AUTS2: variants seen among roughly 807,000 people sequenced by gnomAD.
AUTS2 encodes autism susceptibility gene 2 protein.
In AUTS2, 17 loss-of-function variants were observed where a neutral mutation model predicts 112.4. The observed-to-expected ratio is 0.15, with a 90% confidence interval of 0.10 to 0.23. The LOEUF (loss-of-function observed/expected upper bound fraction) is 0.23, where lower values mean the gene tolerates loss of function less well. AUTS2 is among the 10% of genes least tolerant of loss of function. The probability of loss-of-function intolerance (pLI) is 1.00; values close to 1 mark genes in which losing one functional copy is unlikely to be tolerated. For missense variants in AUTS2, 1,510 were observed against 1,701.6 expected (o/e 0.89, Z 1.98); for synonymous variants, 751 against 702.7 (o/e 1.07, Z -1.09).
chr7:70,578,912 CT>C (rs71922184), intron 5 of AUTS2, among the ~76,000 whole-genome samples: 3 of 145,412 alleles, frequency 2.1e-5, no homozygotes, highest in Non-Finnish European at 4.5e-5. Context: ...TCCTTTCTTT[CT>C]TTTTTTTTCT....
Position 69,631,764 on chromosome 7 carries a change from C to A in AUTS2, c.309+31802C>A, listed in dbSNP as rs537977449. On this transcript the variant is annotated intron_variant, in intron 1 of 18. Coordinates refer to ENST00000342771, the MANE Select transcript of AUTS2 (RefSeq NM_015570.4). The stretch of plus-strand genomic sequence containing the variant: ...TATCTTCTAAAATCCCCAAATAACA[C>A]TGTTCATAGCAAAACAGAGTTGGAT... 2.0e-5 allele frequency among the ~76,000 whole-genome samples: 3 copies of A among 152,320 alleles called. No homozygotes were observed. The South Asian group carries it at 6.2e-4, about 32-fold the overall frequency.
chr7:70,161,595 G>A (rs1481813938), intron 4 of AUTS2, among the ~76,000 whole-genome samples: 1 of 149,568 alleles, frequency 6.7e-6, no homozygotes, highest in Non-Finnish European at 1.5e-5. Flanking sequence ...GTTAACCTTA[G>A]ATTATTTGTT....
chr7:69,971,380 CTTATT>C (rs1797843973), intron 2 of AUTS2, among the ~76,000 whole-genome samples: 1 of 152,084 alleles, frequency 6.6e-6, no homozygotes, highest in South Asian at 2.1e-4. Context: ...AGTTAAACTT[CTTATT>C]TTGAGATAAT....
At chr7:69,862,552 T>C (rs1793036859) in intron 1 of AUTS2, among the ~76,000 whole-genome samples, 1 of 152,118 alleles carries the variant, frequency 6.6e-6, no homozygotes, top group Non-Finnish European at 1.5e-5. Context: ...CTCTTTTGCT[T>C]TTTTTTAGGG....
At chr7:70,241,693 A>G (rs1291833208) in intron 4 of AUTS2, among the ~76,000 whole-genome samples, 3 of 152,194 alleles carry the variant, frequency 2.0e-5, no homozygotes, top group Non-Finnish European at 4.4e-5. Flanking sequence ...CAAACTCACA[A>G]AATATTCTTG....
At chr7:70,532,285 G>A (rs1800129845) in intron 5 of AUTS2, among the ~76,000 whole-genome samples, 1 of 152,146 alleles carries the variant, frequency 6.6e-6, no homozygotes, top group Non-Finnish European at 1.5e-5. Context: ...GTGGATACAG[G>A]GAGGCATGAC....
intron 1 of AUTS2, among the ~76,000 whole-genome samples, chr7:69,750,087 T>A (rs891388123): frequency 6.6e-6 from 1 of 152,156 alleles, no homozygotes; most frequent in Non-Finnish European, 1.5e-5. Context: ...GTCTTCAGAG[T>A]TCATTTGGTA....
chr7:70,005,825 A>G (rs1799521751), intron 2 of AUTS2, among the ~76,000 whole-genome samples: 1 of 151,438 alleles, frequency 6.6e-6, no homozygotes. Flanking sequence ...ATTTTAGTAT[A>G]TTTTATGTGC....
chr7:70,189,236 A>G (rs1307739032), intron 4 of AUTS2, among the ~76,000 whole-genome samples: 1 of 152,200 alleles, frequency 6.6e-6, no homozygotes, highest in African/African-American at 2.4e-5. Flanking sequence ...AGTGACATTT[A>G]TGGCCAAGAC....
chr7:70,767,576 C>T (rs1385700041), intron 9 of AUTS2, among the ~76,000 whole-genome samples: 1 of 152,152 alleles, frequency 6.6e-6, no homozygotes, highest in Non-Finnish European at 1.5e-5. Context: ...TGGCCTACCC[C>T]AGATCACTTT....
At chr7:69,837,857 G>A (rs1436197791) in intron 1 of AUTS2, among the ~76,000 whole-genome samples, 4 of 152,190 alleles carry the variant, frequency 2.6e-5, no homozygotes, top group Non-Finnish European at 4.4e-5. Context: ...ATAAAATGCA[G>A]ACTTGCAAAC....
At position 70,675,941 on chromosome 7, in the gene AUTS2, G is replaced by C. The variant is rs79048874; in HGVS notation, c.691-22628G>C. On this transcript the variant is annotated intron_variant, in intron 5 of 18. Coordinates refer to ENST00000342771, the MANE Select transcript of AUTS2 (RefSeq NM_015570.4). ...GACAAGCCCACCAGGCTGAAGGAAA[G>C]AAGATGGGGACCGCTCCATGGGGCA... Among the ~76,000 whole-genome samples, 342 of 152,354 alleles carry C rather than the reference G, an allele frequency of 2.2e-3. 8 individuals are homozygous for C. The East Asian group carries it at 0.047, about 21-fold the overall frequency.
intron 2 of AUTS2, among the ~76,000 whole-genome samples, chr7:70,062,958 A>G (rs1232762251): frequency 6.6e-6 from 1 of 152,178 alleles, no homozygotes; most frequent in Non-Finnish European, 1.5e-5. Flanking sequence ...GAGATCTATG[A>G]TTCATTACTT....
chr7:70,551,458 C>G (rs1381865133), intron 5 of AUTS2, among the ~76,000 whole-genome samples: 1 of 152,094 alleles, frequency 6.6e-6, no homozygotes, highest in Non-Finnish European at 1.5e-5. Flanking sequence ...AGTCTTCCTC[C>G]CAAAAACCTC....
chr7:69,975,006 A>G (rs920823917), intron 2 of AUTS2, among the ~76,000 whole-genome samples: 2 of 151,596 alleles, frequency 1.3e-5, no homozygotes, highest in African/African-American at 4.8e-5. Context: ...TCCTTTAGCC[A>G]TTCTTTTAGG....
intron 5 of AUTS2, among the ~76,000 whole-genome samples, chr7:70,561,039 A>T (rs945274537): frequency 6.6e-6 from 1 of 152,212 alleles, no homozygotes; most frequent in African/African-American, 2.4e-5. Context: ...CTGTGAAAAA[A>T]AGCAAGATGA....
At chr7:70,515,938 A>G (rs1020088493) in intron 5 of AUTS2, among the ~76,000 whole-genome samples, 5 of 152,150 alleles carry the variant, frequency 3.3e-5, no homozygotes, top group African/African-American at 1.2e-4. Context: ...TCAGCCCTAA[A>G]CAGAATTATT....
intron 6 of AUTS2, among the ~76,000 whole-genome samples, chr7:70,725,950 A>C (rs1388159964): frequency 6.6e-6 from 1 of 151,400 alleles, no homozygotes; most frequent in African/African-American, 2.4e-5. Context: ...TGAACCTGGG[A>C]CATTGAGGTT....
chr7:70,387,852 T>C (rs1179065395), intron 4 of AUTS2, among the ~76,000 whole-genome samples: 1 of 152,216 alleles, frequency 6.6e-6, no homozygotes, highest in Non-Finnish European at 1.5e-5. Flanking sequence ...TCTCTGCTCA[T>C]TCCATCTTCT....
Sources: allele counts gnomAD v4.1 joint callset (sites outside exome capture counted in the v4.1 genomes callset), GRCh38; gene constraint gnomAD v4.1.1; transcripts MANE v1.5; gene names NCBI Gene and HGNC (gene_info 2026-07-23, HGNC 2026-07-21).